Variants in NUP205 observed in about 807,000 individuals in gnomAD.
The protein encoded by NUP205 is nuclear pore complex protein Nup205.
Under a neutral mutation model 253.8 loss-of-function variants are expected in NUP205, and 76 were observed. The ratio of observed to expected loss-of-function variants is 0.30; its 90% CI spans 0.25 to 0.36. NUP205 has a LOEUF of 0.36. Ranked by LOEUF, NUP205 falls within the 10% of genes least tolerant of loss-of-function variation. NUP205 has a pLI of 1.00. For missense variants in NUP205, 2,162 were observed against 2,425.5 expected, an observed-to-expected ratio of 0.89 and a Z score of 2.28; for synonymous variants, 832 against 850.1, an observed-to-expected ratio of 0.98 and a Z score of 0.37.
At chr7:135,558,393 T>C (rs1805491441) in intron 1 of NUP205, among the ~76,000 whole-genome samples, 1 of 152,272 alleles carries the variant, frequency 6.6e-6, no homozygotes, top group South Asian at 2.1e-4. Flanking sequence ...GAGTTCCTTA[T>C]AGGGTGGGAG....
chr7:135,571,616 G>A (rs551994700), intron 2 of NUP205, among the ~76,000 whole-genome samples: 8 of 152,164 alleles, frequency 5.3e-5, no homozygotes, highest in South Asian at 4.1e-4. Context: ...TATGAGGTAC[G>A]TGAGATGTTT....
rs371510859 is a variant in NUP205, at chr7:135,648,575, T to C, written c.*19T>C. On this transcript the variant is annotated 3_prime_UTR_variant, in exon 43 of 43. Coordinates refer to ENST00000285968, the MANE Select transcript of NUP205 (RefSeq NM_015135.3). ...GAACTGAGAGCCCGTGCTTATGCTC[T>C]TCTATGAGAGAGATGAATTGGGGAG... The C allele has an allele frequency of 4.7e-6, 7 of 1,495,048 alleles. No homozygotes were observed. Among genetic ancestry groups the C allele is most frequent in the Non-Finnish European group, 5.3e-6 (6 of 1,122,354 alleles). The allele number at this position is 1,495,048 out of a possible 1,614,324, so 92.6% of individuals were successfully genotyped here.
chr7:135,621,159 G>A lies in NUP205; in HGVS notation c.4330+1271G>A, dbSNP rs373439629. On this transcript the variant is annotated intron_variant, in intron 30 of 42. Coordinates refer to ENST00000285968, the MANE Select transcript of NUP205 (RefSeq NM_015135.3). ...TTGACTTGATCTCATTATCCTTATG[G>A]TGGTTGTATTTTATGCCATACATAG... 4.1e-4 allele frequency among the ~76,000 whole-genome samples: 62 copies of A among 152,278 alleles called. No individual in the cohort carries two copies. In the Middle Eastern group the frequency reaches 0.014, roughly 33 times the overall value.
rs1019807348 is a variant in NUP205, at chr7:135,591,703, G to C, written c.1624+103G>C. 1.5e-5 allele frequency: 15 copies of C among 990,918 alleles called. No individual in the cohort carries two copies. The East Asian group carries it at 3.5e-4, about 23-fold the overall frequency. 61.4% of individuals were successfully genotyped at this position (990,918 alleles called of 1,614,324 possible). A position where few individuals can be genotyped will look rare whatever the true frequency, so the allele number is the denominator to read the frequency against. On this transcript the variant is annotated intron_variant, in intron 11 of 42. Coordinates refer to ENST00000285968, the MANE Select transcript of NUP205 (RefSeq NM_015135.3). Reference sequence around the variant, plus strand: ...TTGGTGTTTGAACTAGGTTCTACCAGAGGTATAAATTATTTTCATAACAAT... The same window carrying C: ...TTGGTGTTTGAACTAGGTTCTACCACAGGTATAAATTATTTTCATAACAAT...
At chr7:135,618,291 A>AGCATATGCTACTG (rs1794401563) in intron 27 of NUP205, 121 bp from the exon 28 acceptor site, 1 of 772,942 alleles carries the variant, frequency 1.3e-6, no homozygotes, top group Non-Finnish European at 2.1e-6. Context: ...AATAATATGA[A>AGCATATGCTACTG]AAGATACCTG....
chr7:135,599,190 CACTT>C (rs1394282458), intron 15 of NUP205, among the ~76,000 whole-genome samples: 2 of 151,980 alleles, frequency 1.3e-5, no homozygotes, highest in Non-Finnish European at 2.9e-5. Context: ...TCTTTTTTGT[CACTT>C]AGCATCATGG....
chr7:135,633,935 C>T (rs1038241931), intron 35 of NUP205, among the ~76,000 whole-genome samples: 2 of 152,160 alleles, frequency 1.3e-5, no homozygotes, highest in African/African-American at 4.8e-5. Context: ...CTATAATTTG[C>T]TATAATTTAT....
rs146766044 is a variant in NUP205, at chr7:135,622,871, C to T, written c.4425C>T (p.Ala1475=). ...ENIAIIESYG[A]ALMEVVCRDA... ...TAGCCATTATTGAAAGTTATGGCGC[C>T]GCCCTCATGGAAGTGGTCTGTCGAG... Residue 1475 remains alanine, a synonymous_variant, in exon 31 of 43, where the codon GCC becomes GCT. Coordinates refer to ENST00000285968, the MANE Select transcript of NUP205 (RefSeq NM_015135.3). 5,066 of 1,614,054 alleles carry T rather than the reference C, an allele frequency of 3.1e-3. 16 individuals carry two copies. The highest frequency in any genetic ancestry group is 7.6e-3 in the Middle Eastern group (46 of 6,062).
rs1794560468 is a variant in NUP205, at chr7:135,625,239, A to G, written c.4555A>G (p.Ser1519Gly). 1.2e-6 allele frequency: 2 copies of G among 1,614,140 alleles called. No homozygotes were observed. The highest frequency in any genetic ancestry group is 1.7e-6 in the Non-Finnish European group (2 of 1,179,982). Residue 1519 changes from serine (S) to glycine (G), a missense_variant, in exon 32 of 43, where the codon AGT becomes GGT. Ser to Gly is a moderately conservative substitution (Grantham distance 56). Around this residue, in one of 5 missense-constraint regions of NUP205, gnomAD observed 1,144 missense variants for 1,280.9 expected, o/e 0.89. Transcript: ENST00000285968. ...GCAGTGGCTTTTGTATCTTTCTAACAGTGGCTACTTGAAGGTCCTCGTAGA... is the reference window on the plus strand; with the variant it reads ...GCAGTGGCTTTTGTATCTTTCTAACGGTGGCTACTTGAAGGTCCTCGTAGA... ...QQQWLLYLSN[S>G]GYLKVLVDSL...
At chr7:135,597,671 A>G (rs1031921950) in intron 14 of NUP205, 53 of 448,592 alleles carry the variant, frequency 1.2e-4, no homozygotes, top group Non-Finnish European at 1.8e-4. Context: ...TTTTAACTCA[A>G]TTTAATTAGA....
intron 8 of NUP205, among the ~76,000 whole-genome samples, chr7:135,587,336 C>T (rs1806494691): frequency 6.6e-6 from 1 of 152,078 alleles, no homozygotes; most frequent in Non-Finnish European, 1.5e-5. Flanking sequence ...AGAAATACTA[C>T]AGTTAAGTTC....
Position 135,644,991 on chromosome 7 carries a change from C to T in NUP205, c.5656C>T (p.Arg1886Ter). Residue 1886 changes from arginine to a stop codon, truncating the protein, a stop_gained, in exon 40 of 43, where the codon CGA (arginine) becomes TGA (stop). Coordinates refer to ENST00000285968, the MANE Select transcript of NUP205 (RefSeq NM_015135.3). LOFTEE classifies it high-confidence loss of function. ...GCGCTTGGTGAAGGTGATCAACAAT[C>T]GAGCTAAACTGCTTTCCCTTTGTTC... ...RRRLVKVINN[R>*]AKLLSLCSFI... is the part of the protein sequence containing the mutation. 3 of 1,614,114 alleles carry T rather than the reference C, an allele frequency of 1.9e-6. No homozygotes were observed. The highest frequency in any genetic ancestry group is 2.5e-6 in the Non-Finnish European group (3 of 1,179,992).
At chr7:135,586,885 A>G (rs1386708450) in intron 8 of NUP205, among the ~76,000 whole-genome samples, 1 of 152,122 alleles carries the variant, frequency 6.6e-6, no homozygotes, top group Admixed American at 6.5e-5. Context: ...AGGAACACAT[A>G]TTTTGCTGCT....
rs150579187 is a variant in NUP205, at chr7:135,591,253, G to GTAT, written c.1474-195_1474-193dup. ...AAAAATGTACTTTTATTTCATAAAG[G>GTAT]TATTTTATAATTGCATTAAATTGCT... On this transcript the variant is annotated intron_variant, in intron 10 of 42. Coordinates refer to ENST00000285968, the MANE Select transcript of NUP205 (RefSeq NM_015135.3). Among the ~76,000 whole-genome samples the GTAT allele has an allele frequency of 0.042, 6,463 of 152,170 alleles. 258 individuals carry two copies. Among genetic ancestry groups the GTAT allele is most frequent in the South Asian group, 0.12 (591 of 4,822 alleles).
intron 1 of NUP205, among the ~76,000 whole-genome samples, chr7:135,562,210 ATT>A (rs1805601102): frequency 6.6e-6 from 1 of 151,868 alleles, no homozygotes; most frequent in African/African-American, 2.4e-5. Context: ...ATTATTTTTT[ATT>A]TTGAGACAGG....
At chr7:135,601,057 A>G (rs909985884) in intron 16 of NUP205, 88 bp downstream of exon 16, 1 of 663,546 alleles carries the variant, frequency 1.5e-6, no homozygotes, top group East Asian at 2.9e-5. Context: ...TAAAAATTAT[A>G]CTTTTAAATT....
At chr7:135,644,717 T>C (rs1322806387) in intron 39 of NUP205, among the ~76,000 whole-genome samples, 178 bp from the exon 40 acceptor site, 2 of 152,246 alleles carry the variant, frequency 1.3e-5, no homozygotes, top group African/African-American at 4.8e-5. Flanking sequence ...GTGAATTTGC[T>C]TCTTTGGCTG....
intron 2 of NUP205, among the ~76,000 whole-genome samples, chr7:135,572,415 A>C (rs183084016): frequency 2.0e-5 from 3 of 152,148 alleles, no homozygotes; most frequent in Non-Finnish European, 4.4e-5. Context: ...AGTTTATAGT[A>C]TTATGTAAGT....
chr7:135,569,450 T>G (rs568049299), intron 1 of NUP205, among the ~76,000 whole-genome samples: 30 of 152,304 alleles, frequency 2.0e-4, no homozygotes, highest in African/African-American at 6.7e-4. Context: ...AGTATAAATG[T>G]GTCATTTACT....
Sources: gnomAD v4.1 joint callset for allele counts (sites outside exome capture counted in the v4.1 genomes callset) on GRCh38, gnomAD v4.1.1 for gene constraint, gnomAD v4.1.1 regional missense constraint, MANE v1.5 for transcripts, NCBI Gene and HGNC (gene_info 2026-07-23, HGNC 2026-07-21) for gene names.